The following KAZN variants were observed in gnomAD, a reference collection of about 807,000 sequenced individuals.
KAZN encodes the protein kazrin.
A neutral mutation model predicts 87.4 loss-of-function variants in KAZN; 40 were observed. That is an observed-to-expected ratio of 0.46 (90% confidence interval 0.36 to 0.60). KAZN has a LOEUF of 0.60. KAZN is among the 20% of genes least tolerant of loss of function. The probability of loss-of-function intolerance (pLI) is 0.00; values close to 1 mark genes in which losing one functional copy is unlikely to be tolerated. For synonymous variants in KAZN, 466 were observed against 458.3 expected, an observed-to-expected ratio of 1.02 and a Z score of -0.22; for missense variants, 898 against 1,073.9, an observed-to-expected ratio of 0.84 and a Z score of 2.29.
chr1:15,005,791 C>CA (rs36037344), intron 2 of KAZN, among the ~76,000 whole-genome samples: 51,775 of 145,472 alleles, frequency 0.36, 9,658 homozygotes, highest in African/African-American at 0.5. Context: ...ACTCCGTCTC[C>CA]AAAAAAAAAA....
At chr1:14,913,122 G>C (rs936746861) in intron 1 of KAZN, among the ~76,000 whole-genome samples, 1 of 152,198 alleles carries the variant, frequency 6.6e-6, no homozygotes, top group African/African-American at 2.4e-5. Context: ...GTGTGTGCTT[G>C]TGGTGCGCCT....
intron 8 of KAZN, among the ~76,000 whole-genome samples, chr1:15,091,980 A>AT (rs78788352): frequency 1.2e-3 from 174 of 144,876 alleles, no homozygotes; most frequent in Admixed American, 6.9e-4. Flanking sequence ...ATGGATAAGC[A>AT]TTTTTTTTTT....
rs1223521547 is a variant in KAZN at position 14,732,463 on chromosome 1, A to AC, written c.226+133245dup. ...AGACCAGCCGGGCCAATATGGTGAA[A>AC]CCCCCTCTCTATAAAAAATATATAA... On this transcript the variant is annotated intron_variant, in intron 1 of 14. Transcript: ENST00000376030. Among the ~76,000 whole-genome samples the AC allele has an allele frequency of 2.6e-5, 4 of 151,988 alleles. 1 individual carries two copies. The highest frequency in any genetic ancestry group is 3.9e-4 in the East Asian group (2 of 5,166).
intron 2 of KAZN, among the ~76,000 whole-genome samples, chr1:14,447,612 G>A (rs1332418059): frequency 6.6e-6 from 1 of 151,912 alleles, no homozygotes; most frequent in Non-Finnish European, 1.5e-5. Context: ...ATTTTCCCCT[G>A]TTTTTCCTCA....
At chr1:14,565,032 A>G (rs1325836906) in intron 2 of KAZN, among the ~76,000 whole-genome samples, 1 of 152,114 alleles carries the variant, frequency 6.6e-6, no homozygotes, top group Non-Finnish European at 1.5e-5. Context: ...AATTATTATG[A>G]AGCTTTGCAT....
chr1:13,973,944 GCATATCGT>G (rs1369358010), intron 1 of KAZN, among the ~76,000 whole-genome samples: 1 of 152,198 alleles, frequency 6.6e-6, no homozygotes, highest in Non-Finnish European at 1.5e-5. Flanking sequence ...CTAAGACTAT[GCATATCGT>G]CATACTCACA....
At chr1:13,944,196 G>T (rs778370012) in intron 1 of KAZN, among the ~76,000 whole-genome samples, 2 of 152,160 alleles carry the variant, frequency 1.3e-5, no homozygotes, top group Non-Finnish European at 2.9e-5. Context: ...CAACAAAAGG[G>T]AATAAACTAC....
At chr1:14,477,507 G>T (rs1012996032) in intron 2 of KAZN, among the ~76,000 whole-genome samples, 1 of 151,040 alleles carries the variant, frequency 6.6e-6, no homozygotes, top group Non-Finnish European at 1.5e-5. Flanking sequence ...CTTTTCATCA[G>T]GGCAAATTAT....
chr1:14,627,501 G>C (rs569363937), intron 1 of KAZN, among the ~76,000 whole-genome samples: 1 of 152,140 alleles, frequency 6.6e-6, no homozygotes, highest in Non-Finnish European at 1.5e-5. Flanking sequence ...GACTTAAAAG[G>C]CTCGCTCCTC....
intron 2 of KAZN, among the ~76,000 whole-genome samples, chr1:15,017,792 G>A (rs1041361112): frequency 4.0e-5 from 6 of 149,180 alleles, no homozygotes; most frequent in East Asian, 3.9e-4. Context: ...CAACAAGAGC[G>A]AAACTCCATC....
intron 2 of KAZN, among the ~76,000 whole-genome samples, chr1:14,503,771 A>G (rs1402942230): frequency 1.3e-5 from 2 of 152,016 alleles, no homozygotes; most frequent in African/African-American, 2.4e-5. Flanking sequence ...CTAAGATGTA[A>G]GCCAGATTTG....
intron 2 of KAZN, among the ~76,000 whole-genome samples, chr1:14,201,678 CT>C (rs1339035317): frequency 2.0e-5 from 3 of 152,140 alleles, no homozygotes; most frequent in Non-Finnish European, 4.4e-5. Flanking sequence ...TTGTTCGTTT[CT>C]TTTCTTGAGG....
At chr1:14,022,603 G>A (rs959076473) in intron 1 of KAZN, among the ~76,000 whole-genome samples, 2 of 149,518 alleles carry the variant, frequency 1.3e-5, no homozygotes, top group Non-Finnish European at 3.0e-5. Flanking sequence ...TATTGTTTTT[G>A]TATTATTATA....
At chr1:14,535,715 A>G (rs1672472116) in intron 2 of KAZN, among the ~76,000 whole-genome samples, 1 of 152,098 alleles carries the variant, frequency 6.6e-6, no homozygotes. Flanking sequence ...AACACACAGG[A>G]CTGCAGCTTG....
At chr1:14,445,003 G>A (rs1666901821) in intron 2 of KAZN, among the ~76,000 whole-genome samples, 1 of 150,416 alleles carries the variant, frequency 6.6e-6, no homozygotes, top group African/African-American at 2.5e-5. Flanking sequence ...TCATTAGGGT[G>A]GGCTCTAATC....
chr1:14,243,478 G>T (rs188744128), intron 2 of KAZN, among the ~76,000 whole-genome samples: 7 of 152,170 alleles, frequency 4.6e-5, no homozygotes, highest in Non-Finnish European at 1.0e-4. Flanking sequence ...GCGATGGTCG[G>T]TTTTGGTTTA....
At chr1:14,024,314 A>C (rs1385483187) in intron 1 of KAZN, among the ~76,000 whole-genome samples, 4 of 152,224 alleles carry the variant, frequency 2.6e-5, no homozygotes, top group Non-Finnish European at 5.9e-5. Context: ...TGGACATGAA[A>C]ACAATGTGGT....
intron 2 of KAZN, among the ~76,000 whole-genome samples, chr1:14,592,975 G>A (rs1489856957): frequency 6.6e-6 from 1 of 152,204 alleles, no homozygotes; most frequent in East Asian, 1.9e-4. Context: ...GGGAGTATCT[G>A]AGTCCTGGCC....
intron 2 of KAZN, among the ~76,000 whole-genome samples, chr1:14,220,376 C>T (rs917944903): frequency 2.0e-5 from 3 of 152,180 alleles, no homozygotes; most frequent in African/African-American, 4.8e-5. Flanking sequence ...CTTCCTGGTC[C>T]TGACTTAGAA....
Sources: gnomAD v4.1 joint callset for allele counts (sites outside exome capture counted in the v4.1 genomes callset) on GRCh38, gnomAD v4.1.1 for gene constraint, MANE v1.5 for transcripts, NCBI Gene and HGNC (gene_info 2026-07-23, HGNC 2026-07-21) for gene names.